LYPLAL1: variants seen among roughly 807,000 people sequenced by gnomAD.
The protein encoded by LYPLAL1 is lysophospholipase-like protein 1.
In LYPLAL1, 23 loss-of-function variants were observed where a neutral mutation model predicts 19.7. That is an observed-to-expected ratio of 1.17 (90% CI 0.84 to 1.65). The LOEUF is 1.65. LYPLAL1 is among the 40% of genes most tolerant of loss of function. LYPLAL1 has a pLI of 0.00. For missense variants in LYPLAL1, 355 were observed against 279.4 expected (o/e 1.27, Z -1.93); for synonymous variants, 119 against 96.3 (o/e 1.24, Z -1.38).
chr1:219,393,835 T>C, the LYPLAL1 span, among the ~76,000 whole-genome samples: 1 of 151,426 alleles, frequency 6.6e-6, no homozygotes, highest in African/African-American at 2.4e-5. Context: ...TAGGTTCAAG[T>C]TTGTCACTTT....
chr1:219,426,580 C>A, the LYPLAL1 span, among the ~76,000 whole-genome samples: 1 of 151,904 alleles, frequency 6.6e-6, no homozygotes, highest in African/African-American at 2.4e-5. Flanking sequence ...ATAATTACCA[C>A]AGCAACCCAT....
chr1:219,210,530 A>G lies in LYPLAL1; in HGVS notation c.362-2A>G, dbSNP rs1658933600. On this transcript the variant is annotated splice_acceptor_variant, in intron 3 of 4. Coordinates refer to ENST00000366928, the MANE Select transcript of LYPLAL1 (RefSeq NM_138794.5). LOFTEE classifies it high-confidence loss of function. ...TACTTTTAAGTATGTTTTTGTTTTT[A>G]GGAGGATTCTCTATGGGAGGATGCA... 1 of 1,570,684 alleles carries G rather than the reference A, an allele frequency of 6.4e-7. No homozygotes were observed.
At chr1:219,388,885 T>C in the LYPLAL1 span, among the ~76,000 whole-genome samples, 1 of 152,192 alleles carries the variant, frequency 6.6e-6, no homozygotes, top group African/African-American at 2.4e-5. Context: ...ATATCTCTAA[T>C]TTTTAATAGT....
chr1:219,179,314 C>T, intron 2 of LYPLAL1, 68 bp downstream of exon 2: 1 of 1,095,526 alleles, frequency 9.1e-7, no homozygotes, highest in Non-Finnish European at 1.4e-6. Context: ...AGAGATGTGC[C>T]AGCTAGGTGT....
chr1:219,315,030 G>A, the LYPLAL1 span, among the ~76,000 whole-genome samples: 1 of 152,156 alleles, frequency 6.6e-6, no homozygotes, highest in Non-Finnish European at 1.5e-5. Flanking sequence ...GAGTATGGGT[G>A]TGTATGTTTT....
rs1428680491 is a variant in LYPLAL1, at chr1:219,212,203, G to A, written c.*475G>A. ...TCACAAGAGCTTTGTGAAGTAAGCC[G>A]AGAAGTTGTTACTGGTATTTAATAA... On this transcript the variant is annotated 3_prime_UTR_variant, in exon 5 of 5. Coordinates refer to ENST00000366928, the MANE Select transcript of LYPLAL1 (RefSeq NM_138794.5). The A allele has an allele frequency of 6.6e-6, 1 of 152,230 alleles. No individual in the cohort carries two copies. Among genetic ancestry groups the A allele is most frequent in the Non-Finnish European group, 1.5e-5 (1 of 68,154 alleles). 9.4% of individuals were successfully genotyped at this position (152,230 alleles called of 1,614,324 possible).
chr1:219,366,786 A>G, the LYPLAL1 span, among the ~76,000 whole-genome samples: 5 of 152,210 alleles, frequency 3.3e-5, no homozygotes, highest in East Asian at 7.8e-4. Context: ...AAAGGATAAC[A>G]TATACTTAGG....
At chr1:219,301,522 T>A in the LYPLAL1 span, among the ~76,000 whole-genome samples, 1 of 152,208 alleles carries the variant, frequency 6.6e-6, no homozygotes, top group African/African-American at 2.4e-5. Flanking sequence ...TATTGTAAAA[T>A]ATTTTTCAAT....
rs1240809086 is a variant in LYPLAL1, at chr1:219,173,983, T to A, written c.91+2T>A. On this transcript the variant is annotated splice_donor_variant, in intron 1 of 4. Transcript: ENST00000366928. LOFTEE classifies it high-confidence loss of function. ...CTCTGATCTTCCTGCATGGCTCAGG[T>A]GGATTTCAATTTTACGTCCTGGTTT... 6.2e-7 allele frequency: 1 copy of A among 1,614,006 alleles called. No homozygotes were observed. The highest frequency in any genetic ancestry group is 8.5e-7 in the Non-Finnish European group (1 of 1,179,948).
At chr1:219,412,613 A>AATGTCTTTAAAATGACCATGAAG in the LYPLAL1 span, among the ~76,000 whole-genome samples, 1 of 152,164 alleles carries the variant, frequency 6.6e-6, no homozygotes, top group Non-Finnish European at 1.5e-5. Flanking sequence ...GGTGCCTCAA[A>AATGTCTTTAAAATGACCATGAAG]ATGTCTTTAA....
At chr1:219,340,659 C>G in the LYPLAL1 span, among the ~76,000 whole-genome samples, 9 of 151,992 alleles carry the variant, frequency 5.9e-5, no homozygotes, top group African/African-American at 2.2e-4. Context: ...AGATTCTTCC[C>G]TGCTTTTAAC....
chr1:219,405,436 T>C, the LYPLAL1 span, among the ~76,000 whole-genome samples: 1 of 152,196 alleles, frequency 6.6e-6, no homozygotes, highest in Admixed American at 6.5e-5. Context: ...ATCTTAGGAA[T>C]AGATGTTTCC....
the LYPLAL1 span, among the ~76,000 whole-genome samples, chr1:219,232,854 G>C: frequency 1.4e-5 from 2 of 143,066 alleles, no homozygotes; most frequent in Non-Finnish European, 3.1e-5. Flanking sequence ...CTGATAGGAT[G>C]GCTACTATTT....
chr1:219,192,461 C>A (rs4846285), intron 2 of LYPLAL1, among the ~76,000 whole-genome samples: 1 of 151,526 alleles, frequency 6.6e-6, no homozygotes, highest in Non-Finnish European at 1.5e-5. Context: ...GTTTTCTTTG[C>A]CACTCTGTTT....
chr1:219,312,629 C>A, the LYPLAL1 span, among the ~76,000 whole-genome samples: 1 of 152,162 alleles, frequency 6.6e-6, no homozygotes, highest in Non-Finnish European at 1.5e-5. Context: ...AAAGAGAAGG[C>A]AACTAGGGGC....
At chr1:219,247,000 AC>A in the LYPLAL1 span, among the ~76,000 whole-genome samples, 1 of 152,168 alleles carries the variant, frequency 6.6e-6, no homozygotes, top group Non-Finnish European at 1.5e-5. Flanking sequence ...GAGCACATAC[AC>A]CTTCTTCCCT....
the LYPLAL1 span, among the ~76,000 whole-genome samples, chr1:219,421,218 C>T: frequency 6.6e-6 from 1 of 152,104 alleles, no homozygotes; most frequent in Admixed American, 6.6e-5. Flanking sequence ...CTAGTTGGGA[C>T]ATCTAATCAA....
At chr1:219,386,246 G>A in the LYPLAL1 span, among the ~76,000 whole-genome samples, 1 of 152,190 alleles carries the variant, frequency 6.6e-6, no homozygotes, top group Non-Finnish European at 1.5e-5. Flanking sequence ...CAAATCTTTG[G>A]GTAGAACCAG....
In LYPLAL1 at chr1:219,210,654, T is replaced by C. The variant is rs772176684; in HGVS notation, c.477+7T>C. Reference sequence around the variant, plus strand: ...AGCATCTGCTGTTTACCAGGTAAGTTCCAGATTTAAAAAAAAATGAAAAAA... The same window carrying C: ...AGCATCTGCTGTTTACCAGGTAAGTCCCAGATTTAAAAAAAAATGAAAAAA... On this transcript the variant is annotated splice_region_variant and intron_variant, in intron 4 of 4. Coordinates refer to ENST00000366928, the MANE Select transcript of LYPLAL1 (RefSeq NM_138794.5). 6.3e-7 allele frequency: 1 copy of C among 1,593,058 alleles called. No individual in the cohort carries two copies. Among genetic ancestry groups the C allele is most frequent in the Admixed American group, 1.8e-5 (1 of 54,842 alleles).
Sources: gnomAD v4.1 joint callset for allele counts (sites outside exome capture counted in the v4.1 genomes callset) on GRCh38, gnomAD v4.1.1 for gene constraint, MANE v1.5 for transcripts, NCBI Gene and HGNC (gene_info 2026-07-23, HGNC 2026-07-21) for gene names.